EIF3D: variants seen among roughly 807,000 people sequenced by gnomAD.
The protein encoded by EIF3D is eukaryotic translation initiation factor 3 subunit D, also known as eIF3 p66.
A neutral mutation model predicts 75.4 loss-of-function variants in EIF3D; 10 were observed. The ratio of observed to expected loss-of-function variants is 0.13; its 90% confidence interval spans 0.08 to 0.22. The LOEUF (loss-of-function observed/expected upper bound fraction) is 0.22, where lower values mean the gene tolerates loss of function less well. Ranked by LOEUF, EIF3D falls within the 10% of genes least tolerant of loss-of-function variation. The pLI is 1.00. For synonymous variants in EIF3D, 246 were observed against 248.3 expected, an observed-to-expected ratio of 0.99 and a Z score of 0.09; for missense variants, 394 against 708.0, an observed-to-expected ratio of 0.56 and a Z score of 5.03.
At chr22:36,511,092 G>C (rs573488150) in intron 14 of EIF3D, 92 bp from the exon 15 acceptor site, 1 of 1,456,658 alleles carries the variant, frequency 6.9e-7, no homozygotes, top group African/African-American at 1.4e-5. Flanking sequence ...CTGTGCGTGA[G>C]TTTTCAACAC....
At chr22:36,517,541 G>T (rs1396778362) in intron 9 of EIF3D, 110 bp from the exon 10 acceptor site, 8 of 1,317,492 alleles carry the variant, frequency 6.1e-6, no homozygotes, top group Non-Finnish European at 8.0e-6. Context: ...TTCCTTCAAA[G>T]AACTGCCCTC....
chr22:36,517,350 A>G lies in EIF3D; in HGVS notation c.941T>C (p.Met314Thr). 6.2e-7 allele frequency: 1 copy of G among 1,613,910 alleles called. No homozygotes were observed. The highest frequency in any genetic ancestry group is 8.5e-7 in the Non-Finnish European group (1 of 1,179,928). ...NSFNSPRNLAMEATYINHNFS... is the reference protein window; with the variant it reads ...NSFNSPRNLATEATYINHNFS... ...ATTGTGGTTGATGTAGGTTGCCTCC[A>G]TGGCCAGGTTGCGGGGTGAATTGAA... The change falls in exon 10 of 15, where the codon ATG becomes ACG. Residue 314 changes from methionine (M) to threonine (T), a missense_variant. Physicochemically the swap from Met to Thr is moderately conservative, Grantham distance 81. Transcript: ENST00000216190.
At chr22:36,528,255 G>A (rs1221230416) in intron 1 of EIF3D, among the ~76,000 whole-genome samples, 1 of 152,102 alleles carries the variant, frequency 6.6e-6, no homozygotes. Context: ...AGCCCGCAAA[G>A]ATCAGGGGTT....
chr22:36,515,527 TC>T (rs1934410082), intron 12 of EIF3D, among the ~76,000 whole-genome samples: 2 of 152,152 alleles, frequency 1.3e-5, no homozygotes, highest in African/African-American at 4.8e-5. Flanking sequence ...AAACTCCGTT[TC>T]AGAAAAATAA....
rs1304878527 is a variant in EIF3D, at chr22:36,523,882, A to T, written c.392+13T>A. 2 of 1,613,058 alleles carry T rather than the reference A, an allele frequency of 1.2e-6. No homozygotes were observed. Among genetic ancestry groups the T allele is most frequent in the Non-Finnish European group, 1.7e-6 (2 of 1,179,188 alleles). On this transcript the variant is annotated intron_variant, in intron 5 of 14. Transcript: ENST00000216190. ...GGGAAGGGTGTCTTGTTCCAGCAGG[A>T]TGAAAATCTCACCTCTCTTTCTGTT... is the stretch of plus-strand genomic sequence containing the variant.
At chr22:36,522,283 G>A (rs749231817) in intron 6 of EIF3D, among the ~76,000 whole-genome samples, 2 of 152,134 alleles carry the variant, frequency 1.3e-5, no homozygotes, top group Non-Finnish European at 2.9e-5. Flanking sequence ...GAACCCAGCA[G>A]GCAGAGGTTG....
At position 36,512,453 on chromosome 22, in the gene EIF3D, A is replaced by AT; in HGVS notation, c.1349+6dup. 1.9e-6 allele frequency: 3 copies of AT among 1,613,970 alleles called. No homozygotes were observed. The highest frequency in any genetic ancestry group is 2.5e-6 in the Non-Finnish European group (3 of 1,179,884). ...ATCAGCTGCCAGCTCCTGCACAGGAATCTCACCCAAGCTTGAGGTACTCAG... is the reference window on the plus strand; with the variant it reads ...ATCAGCTGCCAGCTCCTGCACAGGAATTCTCACCCAAGCTTGAGGTACTCAG... On this transcript the variant is annotated splice_region_variant and intron_variant, in intron 13 of 14. Coordinates refer to ENST00000216190, the MANE Select transcript of EIF3D (RefSeq NM_003753.4).
chr22:36,520,733 C>T, intron 6 of EIF3D, 45 bp from the exon 7 acceptor site: 1 of 1,385,114 alleles, frequency 7.2e-7, no homozygotes, highest in South Asian at 1.2e-5. Flanking sequence ...ATAGTCCATA[C>T]AAAACATAAA....
At chr22:36,519,366 T>C (rs1320835138) in intron 8 of EIF3D, 39 bp downstream of exon 8, 8 of 1,611,968 alleles carry the variant, frequency 5.0e-6, no homozygotes, top group African/African-American at 2.7e-5. Context: ...GCCGACAGCA[T>C]TCCTAACAAG....
chr22:36,522,259 T>G (rs1321106922), intron 6 of EIF3D, among the ~76,000 whole-genome samples: 1 of 151,916 alleles, frequency 6.6e-6, no homozygotes, highest in Non-Finnish European at 1.5e-5. Flanking sequence ...AAGGCTGAGG[T>G]AGGAGGATCA....
intron 3 of EIF3D, 52 bp downstream of exon 3, chr22:36,525,611 AG>A: frequency 6.3e-7 from 1 of 1,590,256 alleles, no homozygotes; most frequent in Non-Finnish European, 8.6e-7. Flanking sequence ...ATTAGAATAA[AG>A]AACAACTTTC....
In EIF3D at chr22:36,526,180, G is replaced by C. The variant is rs1934595849; in HGVS notation, c.-10-49C>G. ...TAGCGGCATGAACGAAGGCCTCAGA[G>C]TACAAAACACCCTCCATATGAAGTA... On this transcript the variant is annotated intron_variant, in intron 1 of 14. Transcript: ENST00000216190. 5.3e-6 allele frequency: 8 copies of C among 1,516,976 alleles called. No homozygotes were observed. The East Asian group carries it at 1.9e-4, about 36-fold the overall frequency. 94.0% of individuals were successfully genotyped at this position (1,516,976 alleles called of 1,614,324 possible). A position where few individuals can be genotyped will look rare whatever the true frequency, so the allele number is the denominator to read the frequency against.
chr22:36,525,864 A>G (rs1934590103), intron 2 of EIF3D, 135 bp downstream of exon 2: 10 of 1,463,966 alleles, frequency 6.8e-6, no homozygotes, highest in Non-Finnish European at 9.2e-6. Flanking sequence ...GACTACACCC[A>G]GAGATAACCT....
At chr22:36,524,350 G>A (rs1185961260) in intron 4 of EIF3D, among the ~76,000 whole-genome samples, 1 of 152,166 alleles carries the variant, frequency 6.6e-6, no homozygotes, top group Admixed American at 6.5e-5. Context: ...CAGCACAAAT[G>A]TTTTTAGCAT....
At chr22:36,511,316 C>T in intron 14 of EIF3D, 187 bp downstream of exon 14, 2 of 1,230,040 alleles carry the variant, frequency 1.6e-6, no homozygotes, top group East Asian at 2.4e-5. Flanking sequence ...GCTATCCTCC[C>T]CAACCACTTG....
At chr22:36,516,911 G>T in intron 10 of EIF3D, 121 bp from the exon 11 acceptor site, 1 of 892,946 alleles carries the variant, frequency 1.1e-6, no homozygotes, top group Non-Finnish European at 1.8e-6. Context: ...GCCCTTGATG[G>T]GGCTCTGAGC....
chr22:36,521,553 A>C (rs1025574269), intron 6 of EIF3D, among the ~76,000 whole-genome samples: 1 of 152,160 alleles, frequency 6.6e-6, no homozygotes, highest in African/African-American at 2.4e-5. Context: ...AAACAACTCA[A>C]ATGTTCATCA....
chr22:36,512,689 AGT>A, intron 12 of EIF3D, 87 bp from the exon 13 acceptor site: 1 of 1,469,786 alleles, frequency 6.8e-7, no homozygotes, highest in East Asian at 2.4e-5. Flanking sequence ...GGAACTCCCT[AGT>A]CTGCTTGCTT....
Position 36,528,434 on chromosome 22 carries a change from G to A in EIF3D, c.-11+642C>T, listed in dbSNP as rs1934641454. Among the ~76,000 whole-genome samples the A allele has an allele frequency of 3.4e-5, 5 of 148,080 alleles. No homozygotes were observed. The South Asian group carries it at 1.1e-3, about 31-fold the overall frequency. ...CTTTAATAAATGTTTTTTTTTTTAA[G>A]AGCAGAGCGGAACCAGGAGGAGAAA... On this transcript the variant is annotated intron_variant, in intron 1 of 14. Coordinates refer to ENST00000216190, the MANE Select transcript of EIF3D (RefSeq NM_003753.4).
Sources: allele counts gnomAD v4.1 joint callset (sites outside exome capture counted in the v4.1 genomes callset), GRCh38; gene constraint gnomAD v4.1.1; transcripts MANE v1.5; gene names NCBI Gene and HGNC (gene_info 2026-07-23, HGNC 2026-07-21).